The following TM9SF2 variants were observed in gnomAD, a reference collection of about 807,000 sequenced individuals.
TM9SF2 encodes transmembrane 9 superfamily member 2, also known as 76 kDa membrane protein.
Under a neutral mutation model 84.9 loss-of-function variants are expected in TM9SF2, and 13 were observed. The ratio of observed to expected loss-of-function variants is 0.15; its 90% CI spans 0.10 to 0.24. The LOEUF (loss-of-function observed/expected upper bound fraction) is 0.24. Ranked by LOEUF, TM9SF2 falls within the 10% of genes least tolerant of loss-of-function variation. The pLI, the probability that TM9SF2 is intolerant of heterozygous loss-of-function variation, is 1.00. For missense variants in TM9SF2, 562 were observed against 818.5 expected (o/e 0.69, Z 3.82); for synonymous variants, 273 against 285.8 (o/e 0.96, Z 0.45).
chr13:99,509,635 T>A (rs1045796311), intron 1 of TM9SF2, among the ~76,000 whole-genome samples: 3 of 152,196 alleles, frequency 2.0e-5, no homozygotes, highest in Admixed American at 2.0e-4. Flanking sequence ...ATCCCAAGGC[T>A]GCACAGGGCA....
chr13:99,505,776 G>A (rs182600410), intron 1 of TM9SF2, among the ~76,000 whole-genome samples: 130 of 152,256 alleles, frequency 8.5e-4, no homozygotes, highest in Admixed American at 2.6e-3. Flanking sequence ...TTAGTGTGCC[G>A]AGTGGCATTC....
chr13:99,529,635 C>T (rs367620265), intron 4 of TM9SF2, 41 bp downstream of exon 4: 2 of 1,449,878 alleles, frequency 1.4e-6, no homozygotes, highest in Non-Finnish European at 1.8e-6. Flanking sequence ...TTATCCTTTC[C>T]ATATGAAATC....
intron 4 of TM9SF2, among the ~76,000 whole-genome samples, chr13:99,534,482 AAAAAG>A (rs1422649036): frequency 4.6e-5 from 7 of 152,214 alleles, no homozygotes; most frequent in Non-Finnish European, 4.4e-5. Context: ...CAACTGCAAA[AAAAAG>A]AAAAGAAAAA....
At chr13:99,559,560 T>C in intron 16 of TM9SF2, 26 bp downstream of exon 16, 1 of 1,551,266 alleles carries the variant, frequency 6.4e-7, no homozygotes, top group South Asian at 1.2e-5. Flanking sequence ...AAGTGATTAT[T>C]TTTATTTTGT....
chr13:99,537,310 A>G (rs2046238924), intron 5 of TM9SF2, among the ~76,000 whole-genome samples: 1 of 152,218 alleles, frequency 6.6e-6, no homozygotes, highest in Non-Finnish European at 1.5e-5. Context: ...GAAACTGATT[A>G]TATCAGTTAG....
At position 99,520,148 on chromosome 13, in the gene TM9SF2, A is replaced by G; in HGVS notation, c.333+19A>G. 3 of 1,573,994 alleles carry G rather than the reference A, an allele frequency of 1.9e-6. No homozygotes were observed. The highest frequency in any genetic ancestry group is 2.7e-5 in the African/African-American group (2 of 73,350). On this transcript the variant is annotated intron_variant, in intron 3 of 16. Transcript: ENST00000376387. ...ATATAAGGTTTGTATTTAGTGTTAC[A>G]TAATAATTATTTACTTACAGCTTTT...
chr13:99,553,640 A>G (rs1258420324), intron 13 of TM9SF2, among the ~76,000 whole-genome samples: 1 of 152,262 alleles, frequency 6.6e-6, no homozygotes, highest in African/African-American at 2.4e-5. Flanking sequence ...TCATCACAAA[A>G]ACTATAGAAG....
chr13:99,520,183 A>T, intron 3 of TM9SF2, 54 bp downstream of exon 3: 1 of 1,482,860 alleles, frequency 6.7e-7, no homozygotes, highest in Non-Finnish European at 9.2e-7. Context: ...TGTTTTTGTT[A>T]TTTAAGAAAA....
intron 1 of TM9SF2, among the ~76,000 whole-genome samples, chr13:99,512,653 A>G (rs996290561): frequency 2.0e-5 from 3 of 152,252 alleles, no homozygotes; most frequent in African/African-American, 7.2e-5. Context: ...GTTTCTGGAA[A>G]AGAAGTTTTC....
rs933706415 is a variant in TM9SF2, at chr13:99,540,765, A to G, written c.880A>G (p.Met294Val). The G allele has an allele frequency of 5.6e-6, 9 of 1,613,724 alleles. No homozygotes were observed. The highest frequency in any genetic ancestry group is 7.6e-6 in the Non-Finnish European group (9 of 1,179,878). The change falls in exon 8 of 17, where the codon ATG becomes GTG. Residue 294 changes from methionine (M) to valine (V), a missense_variant. Physicochemically the swap from Met to Val is conservative, Grantham distance 21. Coordinates refer to ENST00000376387, the MANE Select transcript of TM9SF2 (RefSeq NM_004800.3). The part of the protein sequence containing the change: ...ASRWDYILES[M>V]PHTHIQWFSI... ...TAGATGGGACTATATTCTGGAGTCT[A>G]TGCCTCATACCCACATTCAGTGGTT...
chr13:99,509,557 A>G (rs1294366290), intron 1 of TM9SF2, among the ~76,000 whole-genome samples: 3 of 152,168 alleles, frequency 2.0e-5, no homozygotes, highest in African/African-American at 7.2e-5. Context: ...CATTCTGTAA[A>G]TGGCAGCCCA....
chr13:99,509,124 A>G (rs1408831545), intron 1 of TM9SF2, among the ~76,000 whole-genome samples: 1 of 152,250 alleles, frequency 6.6e-6, no homozygotes, highest in African/African-American at 2.4e-5. Context: ...CAAAGGGGCT[A>G]TAGGCATTGG....
intron 9 of TM9SF2, 105 bp downstream of exon 9, chr13:99,541,772 C>A: frequency 4.3e-6 from 3 of 691,398 alleles, no homozygotes; most frequent in Non-Finnish European, 4.5e-6. Context: ...AAACATTCTT[C>A]AAAAAACAAA....
rs199905191 is a variant in TM9SF2, at chr13:99,501,637, C to T, written c.31C>T (p.Pro11Ser). MSARLPVLSPPRWPRLLLLSL... is the reference protein window; with the variant it reads MSARLPVLSPSRWPRLLLLSL... Reference sequence around the variant, plus strand: ...CGCGAGGCTGCCGGTGTTGTCTCCACCTCGGTGGCCGCGGCTGTTGCTGCT... The same window carrying T: ...CGCGAGGCTGCCGGTGTTGTCTCCATCTCGGTGGCCGCGGCTGTTGCTGCT... The change falls in exon 1 of 17, where the codon CCT becomes TCT. Residue 11 changes from proline to serine, a missense_variant. Pro to Ser is a moderately conservative substitution (Grantham distance 74). Transcript: ENST00000376387. 3 of 1,613,148 alleles carry T rather than the reference C, an allele frequency of 1.9e-6. No individual in the cohort carries two copies. Among genetic ancestry groups the T allele is most frequent in the Non-Finnish European group, 2.5e-6 (3 of 1,179,606 alleles).
At chr13:99,527,369 T>C (rs1274474750) in intron 3 of TM9SF2, among the ~76,000 whole-genome samples, 1 of 152,142 alleles carries the variant, frequency 6.6e-6, no homozygotes, top group Non-Finnish European at 1.5e-5. Flanking sequence ...AAAACAATCA[T>C]GGCAGAAGGG....
chr13:99,544,077 C>T, intron 10 of TM9SF2, 82 bp downstream of exon 10: 1 of 1,488,432 alleles, frequency 6.7e-7, no homozygotes, highest in East Asian at 2.3e-5. Context: ...TCTGGCCGGG[C>T]ATGGTGGCTC....
chr13:99,559,545 A>T lies in TM9SF2; in HGVS notation c.1924+11A>T. 1 of 1,566,866 alleles carries T rather than the reference A, an allele frequency of 6.4e-7. No homozygotes were observed. Among genetic ancestry groups the T allele is most frequent in the East Asian group, 2.3e-5 (1 of 44,194 alleles). On this transcript the variant is annotated intron_variant, in intron 16 of 16. Transcript: ENST00000376387. ...TCTTTCTTTTTACAGGTAAAATTAT[A>T]ATTTAAGTGATTATTTTTATTTTGT...
chr13:99,526,061 T>C (rs1437513319), intron 3 of TM9SF2, among the ~76,000 whole-genome samples: 5 of 152,168 alleles, frequency 3.3e-5, no homozygotes, highest in African/African-American at 1.2e-4. Flanking sequence ...GGCAGAGACA[T>C]GGGGCATGAT....
At chr13:99,523,796 A>G (rs191393003) in intron 3 of TM9SF2, among the ~76,000 whole-genome samples, 82 of 152,376 alleles carry the variant, frequency 5.4e-4, no homozygotes, top group African/African-American at 2.0e-3. Flanking sequence ...TTACCAGAAT[A>G]TATGTTTCAA....
Sources: gnomAD v4.1 joint callset for allele counts (sites outside exome capture counted in the v4.1 genomes callset) on GRCh38, gnomAD v4.1.1 for gene constraint, MANE v1.5 for transcripts, NCBI Gene and HGNC (gene_info 2026-07-23, HGNC 2026-07-21) for gene names.